ATG7: variants seen among roughly 807,000 people sequenced by gnomAD.
The protein encoded by ATG7 is autophagy related 7, also known as ubiquitin-like modifier-activating enzyme ATG7.
A neutral mutation model predicts 82.4 loss-of-function variants in ATG7; 70 were observed. That is an observed-to-expected ratio of 0.85 (90% CI 0.70 to 1.04). The LOEUF (loss-of-function observed/expected upper bound fraction) is 1.04. ATG7 is among the 50% of genes least tolerant of loss of function. The pLI, the probability that ATG7 is intolerant of heterozygous loss-of-function variation, is 0.00. For synonymous variants in ATG7, 287 were observed against 313.0 expected (o/e 0.92, Z 0.88); for missense variants, 792 against 864.3 (o/e 0.92, Z 1.05).
intron 20 of ATG7, among the ~76,000 whole-genome samples, chr3:11,540,841 C>T (rs1013482401): frequency 2.8e-5 from 4 of 142,616 alleles, no homozygotes; most frequent in African/African-American, 1.1e-4. Context: ...GAAATCTTTG[C>T]CTATGTCCAA....
chr3:11,315,955 A>G (rs1035335275), intron 9 of ATG7, among the ~76,000 whole-genome samples: 1 of 152,150 alleles, frequency 6.6e-6, no homozygotes, highest in Non-Finnish European at 1.5e-5. Context: ...TTGGTCTTGA[A>G]TGCGTGACCT....
At chr3:11,296,247 A>G (rs1449937844) in intron 3 of ATG7, among the ~76,000 whole-genome samples, 1 of 152,082 alleles carries the variant, frequency 6.6e-6, no homozygotes, top group Non-Finnish European at 1.5e-5. Context: ...GCTGTTGTCC[A>G]CAGCTGAAAA....
chr3:11,418,973 C>G (rs981980696), intron 19 of ATG7, among the ~76,000 whole-genome samples: 13 of 152,038 alleles, frequency 8.6e-5, no homozygotes, highest in African/African-American at 3.1e-4. Context: ...CCCCTCCCCC[C>G]CGATCCAGTC....
chr3:11,362,368 T>G (rs1384283819), intron 16 of ATG7, among the ~76,000 whole-genome samples: 1 of 152,226 alleles, frequency 6.6e-6, no homozygotes, highest in Non-Finnish European at 1.5e-5. Context: ...TAGTAAATTG[T>G]TGCTCCCATC....
intron 18 of ATG7, among the ~76,000 whole-genome samples, chr3:11,376,765 G>A (rs1575831919): frequency 6.6e-6 from 1 of 152,116 alleles, no homozygotes; most frequent in Non-Finnish European, 1.5e-5. Flanking sequence ...TTGAGACGGA[G>A]TCTTGCTCTG....
At chr3:11,379,565 T>C (rs1055096949) in intron 18 of ATG7, among the ~76,000 whole-genome samples, 5 of 152,214 alleles carry the variant, frequency 3.3e-5, no homozygotes, top group Non-Finnish European at 7.3e-5. Flanking sequence ...CCCAAAATCA[T>C]GTCATAGAAA....
intron 14 of ATG7, among the ~76,000 whole-genome samples, chr3:11,350,608 T>G (rs2075462158): frequency 1.3e-5 from 2 of 152,146 alleles, no homozygotes; most frequent in African/African-American, 4.8e-5. Flanking sequence ...CTTAAAGTCT[T>G]AGCTCAACAG....
At position 11,305,008 on chromosome 3, in the gene ATG7, C is replaced by T. The variant is rs141655516; in HGVS notation, c.216-1935C>T. ...CCTTAGCAATTACTCTCCATCCCCCCTCCTCCATACTCACCAGCCCTAGCC... is the reference window on the plus strand; with the variant it reads ...CCTTAGCAATTACTCTCCATCCCCCTTCCTCCATACTCACCAGCCCTAGCC... On this transcript the variant is annotated intron_variant, in intron 5 of 20. Coordinates refer to ENST00000693202, the MANE Select transcript of ATG7 (RefSeq NM_001349232.2). Among the ~76,000 whole-genome samples the T allele has an allele frequency of 4.8e-3, 726 of 152,280 alleles. 6 individuals carry two copies. The highest frequency in any genetic ancestry group is 0.017 in the African/African-American group (697 of 41,552).
At chr3:11,448,141 CAGAAA>C (rs1223635343) in intron 20 of ATG7, among the ~76,000 whole-genome samples, 1 of 152,200 alleles carries the variant, frequency 6.6e-6, no homozygotes, top group African/African-American at 2.4e-5. Context: ...CCACAGATAC[CAGAAA>C]AGAAGTCTTT....
chr3:11,564,681 C>CCTCACCACCTCCCTCT, the ATG7 span: 1 of 1,289,276 alleles, frequency 7.8e-7, no homozygotes, highest in Non-Finnish European at 1.1e-6. Flanking sequence ...CACCTCCCTC[C>CCTCACCACCTCCCTCT]CTCACCACCT....
chr3:11,569,127 A>C, the ATG7 span, among the ~76,000 whole-genome samples: 1 of 152,196 alleles, frequency 6.6e-6, no homozygotes, highest in Non-Finnish European at 1.5e-5. Context: ...ATCACGTGAA[A>C]GAAGTGCACT....
At chr3:11,446,099 G>A (rs1238566091) in intron 20 of ATG7, among the ~76,000 whole-genome samples, 1 of 151,530 alleles carries the variant, frequency 6.6e-6, no homozygotes, top group African/African-American at 2.4e-5. Flanking sequence ...CTTGGTCAGA[G>A]TCCCACACCT....
chr3:11,558,329 CAG>C (rs2072625909), downstream of ATG7: 1 of 686,894 alleles, frequency 1.5e-6, no homozygotes, highest in Admixed American at 3.0e-5. Context: ...CTACATTAGA[CAG>C]ATGTTCCACG....
At chr3:11,307,324 T>C (rs1268541783) in intron 6 of ATG7, among the ~76,000 whole-genome samples, 1 of 152,196 alleles carries the variant, frequency 6.6e-6, no homozygotes, top group East Asian at 1.9e-4. Flanking sequence ...AAGTAATCAG[T>C]TTGCTGCTCA....
At chr3:11,435,006 GCCT>G (rs1243465311) in intron 20 of ATG7, among the ~76,000 whole-genome samples, 1 of 151,856 alleles carries the variant, frequency 6.6e-6, no homozygotes, top group Non-Finnish European at 1.5e-5. Context: ...CTTTTTTTAA[GCCT>G]CCTTTCTAGA....
intron 9 of ATG7, among the ~76,000 whole-genome samples, chr3:11,325,325 C>T (rs541108818): frequency 6.6e-6 from 1 of 152,304 alleles, no homozygotes; most frequent in East Asian, 1.9e-4. Context: ...TTTGTTGTTA[C>T]TATTTGTTAA....
At chr3:11,488,643 G>A (rs1015850170) in intron 20 of ATG7, among the ~76,000 whole-genome samples, 7 of 152,100 alleles carry the variant, frequency 4.6e-5, no homozygotes, top group African/African-American at 9.7e-5. Context: ...GGCCTCCGGC[G>A]CCGTGACCTC....
chr3:11,343,171 C>T (rs1471044150), intron 13 of ATG7, among the ~76,000 whole-genome samples: 6 of 152,090 alleles, frequency 3.9e-5, no homozygotes, highest in African/African-American at 7.2e-5. Context: ...TCAAGTGATC[C>T]GCCTGCCTTG....
At chr3:11,527,143 T>C (rs1277704050) in intron 20 of ATG7, among the ~76,000 whole-genome samples, 1 of 151,228 alleles carries the variant, frequency 6.6e-6, no homozygotes, top group Non-Finnish European at 1.5e-5. Flanking sequence ...CTCACTCTGT[T>C]GTCCAGGCTG....
Sources: gnomAD v4.1 joint callset for allele counts (sites outside exome capture counted in the v4.1 genomes callset) on GRCh38, gnomAD v4.1.1 for gene constraint, MANE v1.5 for transcripts, NCBI Gene and HGNC (gene_info 2026-07-23, HGNC 2026-07-21) for gene names.